The following PKNOX2 variants were observed in gnomAD, a reference collection of about 807,000 sequenced individuals.
PKNOX2 encodes PBX/knotted 1 homeobox 2.
In PKNOX2, 14 loss-of-function variants were observed where a neutral mutation model predicts 53.1. The observed-to-expected ratio is 0.26, with a 90% CI of 0.17 to 0.41. PKNOX2 has a LOEUF of 0.41. PKNOX2 is among the 10% of genes least tolerant of loss of function. The pLI is 1.00. For synonymous variants in PKNOX2, 257 were observed against 242.8 expected, an observed-to-expected ratio of 1.06 and a Z score of -0.54; for missense variants, 496 against 602.8, an observed-to-expected ratio of 0.82 and a Z score of 1.85.
At chr11:125,196,569 G>T (rs534550868) in intron 1 of PKNOX2, among the ~76,000 whole-genome samples, 1 of 152,296 alleles carries the variant, frequency 6.6e-6, no homozygotes, top group South Asian at 2.1e-4. Flanking sequence ...AGAGAGTGCT[G>T]GTATTCAGAG....
chr11:125,171,669 C>T (rs1485884192), intron 1 of PKNOX2, among the ~76,000 whole-genome samples: 1 of 152,246 alleles, frequency 6.6e-6, no homozygotes, highest in Non-Finnish European at 1.5e-5. Flanking sequence ...AGGATTACCC[C>T]TTTCCCTTTC....
At chr11:125,421,412 A>C (rs1425158341) in intron 10 of PKNOX2, among the ~76,000 whole-genome samples, 1 of 152,220 alleles carries the variant, frequency 6.6e-6, no homozygotes, top group African/African-American at 2.4e-5. Context: ...TGCAGAAAAG[A>C]AGACTCGGGC....
chr11:125,220,368 C>A (rs1162621283), intron 1 of PKNOX2, among the ~76,000 whole-genome samples: 12 of 152,318 alleles, frequency 7.9e-5, no homozygotes, highest in Non-Finnish European at 1.5e-5. Flanking sequence ...CCGAGAGCGG[C>A]TGATTTCCAA....
chr11:125,249,350 A>G (rs1424597951), intron 2 of PKNOX2, among the ~76,000 whole-genome samples: 1 of 152,212 alleles, frequency 6.6e-6, no homozygotes, highest in African/African-American at 2.4e-5. Context: ...CTAGAGAACC[A>G]TGGTGCAGCA....
intron 7 of PKNOX2, among the ~76,000 whole-genome samples, chr11:125,408,359 G>A (rs1955244288): frequency 3.9e-5 from 6 of 152,178 alleles, no homozygotes; most frequent in Admixed American, 3.3e-4. Context: ...CGGCTCCCAC[G>A]GGGCCCCAGG....
intron 2 of PKNOX2, chr11:125,258,745 C>T (rs758617544): frequency 5.4e-5 from 13 of 240,074 alleles, no homozygotes; most frequent in Non-Finnish European, 1.1e-4. Context: ...GCCTTCTGCC[C>T]CCTCCCCTGC....
intron 1 of PKNOX2, among the ~76,000 whole-genome samples, chr11:125,189,413 ATGTGTGTGTGTGTGTGTGTGTGTGTGTG>A (rs776327891): frequency 1.8e-4 from 12 of 65,182 alleles, no homozygotes; most frequent in East Asian, 4.2e-4. Flanking sequence ...GTATATATAT[ATGTGTGTGTGTGTGTGTGTGTGTGTGTG>A]TGTGTGTATA....
intron 3 of PKNOX2, among the ~76,000 whole-genome samples, chr11:125,346,829 G>A (rs969794004): frequency 2.6e-5 from 4 of 152,084 alleles, no homozygotes; most frequent in African/African-American, 4.8e-5. Flanking sequence ...GGGGAAGGAA[G>A]GGAGGAAGGA....
intron 2 of PKNOX2, among the ~76,000 whole-genome samples, chr11:125,282,969 T>C (rs1946664067): frequency 6.6e-6 from 1 of 152,176 alleles, no homozygotes; most frequent in South Asian, 2.1e-4. Flanking sequence ...CAGGGCAACA[T>C]GGCAAAACCC....
intron 2 of PKNOX2, among the ~76,000 whole-genome samples, chr11:125,284,189 G>A (rs1282201677): frequency 6.6e-6 from 1 of 152,192 alleles, no homozygotes; most frequent in Non-Finnish European, 1.5e-5. Context: ...GAGCTTTGTA[G>A]CAGCCATCCT....
intron 2 of PKNOX2, among the ~76,000 whole-genome samples, chr11:125,314,559 C>T (rs1949037278): frequency 6.6e-6 from 1 of 152,156 alleles, no homozygotes. Flanking sequence ...CCATCACTGA[C>T]CTGCAGTCAG....
In PKNOX2 at chr11:125,385,607, A is replaced by G; in HGVS notation, c.284A>G (p.Gln95Arg). The change falls in exon 6 of 13, where the codon CAG becomes CGG. Residue 95 changes from glutamine to arginine, a missense_variant. This residue lies in a region of PKNOX2 where 168 missense variants were observed against 178.4 expected (regional missense o/e 0.94). Transcript: ENST00000298282. ...TTTGAGAAATGTGAACAGGCCACCCAGGGCTCTGAGTGCATCACCTCCGCC... is the reference window on the plus strand; with the variant it reads ...TTTGAGAAATGTGAACAGGCCACCCGGGGCTCTGAGTGCATCACCTCCGCC... ...LLFEKCEQAT[Q>R]GSECITSASF... 1 of 1,613,432 alleles carries G rather than the reference A, an allele frequency of 6.2e-7. No homozygotes were observed. Among genetic ancestry groups the G allele is most frequent in the East Asian group, 2.2e-5 (1 of 44,834 alleles).
intron 6 of PKNOX2, among the ~76,000 whole-genome samples, chr11:125,396,365 T>A (rs1954401418): frequency 6.6e-6 from 1 of 152,196 alleles, no homozygotes; most frequent in African/African-American, 2.4e-5. Context: ...TACATTTATG[T>A]CTTTGATCCA....
chr11:125,399,915 G>A (rs1026643788), intron 7 of PKNOX2, among the ~76,000 whole-genome samples: 4 of 152,202 alleles, frequency 2.6e-5, no homozygotes, highest in African/African-American at 4.8e-5. Context: ...GGAGAAGTGG[G>A]GTTTGCAGAA....
rs1952463395 is a variant in PKNOX2 at position 125,370,451 on chromosome 11, C to T, written c.227+2466C>T. 2.6e-5 allele frequency among the ~76,000 whole-genome samples: 4 copies of T among 152,246 alleles called. No individual in the cohort carries two copies. In the South Asian group the frequency reaches 8.3e-4, roughly 31 times the overall value. The stretch of plus-strand genomic sequence containing the variant: ...TTTCTGCAATTAACACTTCTTCCTA[C>T]TCCCCTTCCCTCCTGGGCTTTATCT... On this transcript the variant is annotated intron_variant, in intron 5 of 12. Coordinates refer to ENST00000298282, the MANE Select transcript of PKNOX2 (RefSeq NM_001382323.2). The surrounding 1 kb of genome is among the most constrained non-coding windows in gnomAD (Gnocchi z 4.1).
intron 2 of PKNOX2, among the ~76,000 whole-genome samples, chr11:125,326,811 C>T (rs138153552): frequency 2.6e-5 from 4 of 152,294 alleles, no homozygotes; most frequent in East Asian, 1.9e-4. Flanking sequence ...GAATTTAAAC[C>T]GGTGGCATGC....
chr11:125,421,862 G>T (rs1302998415), intron 10 of PKNOX2, among the ~76,000 whole-genome samples: 4 of 152,210 alleles, frequency 2.6e-5, no homozygotes, highest in Admixed American at 2.0e-4. Flanking sequence ...ACCGCTGTCT[G>T]CACACTTACA....
Position 125,429,996 on chromosome 11 carries a change from C to G in PKNOX2, c.1047C>G (p.Pro349=), listed in dbSNP as rs1484642552. 2 of 1,614,168 alleles carry G rather than the reference C, an allele frequency of 1.2e-6. No individual in the cohort carries two copies. The highest frequency in any genetic ancestry group is 1.7e-6 in the Non-Finnish European group (2 of 1,180,022). The change falls in exon 12 of 13, where the codon CCC becomes CCG. Residue 349 remains proline, a synonymous_variant. Coordinates refer to ENST00000298282, the MANE Select transcript of PKNOX2 (RefSeq NM_001382323.2). ...ATGCCCGGAGGCGCATCCTGCAGCCCATGCTTGATGCCAGCAACCCAGATC... is the reference window on the plus strand; with the variant it reads ...ATGCCCGGAGGCGCATCCTGCAGCCGATGCTTGATGCCAGCAACCCAGATC... ...FINARRRILQ[P]MLDASNPDPA... is the part of the protein sequence containing the mutation.
At chr11:125,324,230 T>C (rs888669178) in intron 2 of PKNOX2, among the ~76,000 whole-genome samples, 6 of 152,186 alleles carry the variant, frequency 3.9e-5, no homozygotes, top group Non-Finnish European at 5.9e-5. Flanking sequence ...CCTTAACCAG[T>C]TTTCTTTGGG....
Sources: allele counts gnomAD v4.1 joint callset (sites outside exome capture counted in the v4.1 genomes callset), GRCh38; gene constraint gnomAD v4.1.1; regional missense constraint gnomAD v4.1.1; non-coding constraint Gnocchi (gnomAD v3.1); transcripts MANE v1.5; gene names NCBI Gene and HGNC (gene_info 2026-07-23, HGNC 2026-07-21).